The following PIGL variants were observed in gnomAD, a reference collection of about 807,000 sequenced individuals.
The protein encoded by PIGL is N-acetylglucosaminyl-phosphatidylinositol de-N-acetylase.
Under a neutral mutation model 31.1 loss-of-function variants are expected in PIGL, and 22 were observed. The ratio of observed to expected loss-of-function variants is 0.71; its 90% CI spans 0.51 to 1.01. The LOEUF is 1.01. PIGL is among the 50% of genes least tolerant of loss of function. The pLI, the probability that PIGL is intolerant of heterozygous loss-of-function variation, is 0.00. For synonymous variants in PIGL, 131 were observed against 117.4 expected, an observed-to-expected ratio of 1.12 and a Z score of -0.75; for missense variants, 302 against 315.9, an observed-to-expected ratio of 0.96 and a Z score of 0.33.
intron 1 of PIGL, chr17:16,217,895 C>T (rs556983715): frequency 6.5e-6 from 1 of 154,090 alleles, no homozygotes; most frequent in South Asian, 2.0e-4. Flanking sequence ...CTTCCTGCTG[C>T]CTTTAAAATG....
chr17:16,303,284 C>T (rs1271685339), intron 3 of PIGL, among the ~76,000 whole-genome samples: 1 of 152,178 alleles, frequency 6.6e-6, no homozygotes, highest in Admixed American at 6.5e-5. Context: ...GCAAACTAGA[C>T]TAAGGCCTGT....
intron 2 of PIGL, among the ~76,000 whole-genome samples, chr17:16,281,380 C>T (rs572194169): frequency 1.8e-4 from 28 of 152,326 alleles, no homozygotes; most frequent in Admixed American, 7.2e-4. Context: ...AGAATATCAA[C>T]GGCTTTTATG....
At chr17:16,280,001 C>T (rs1247298871) in intron 2 of PIGL, among the ~76,000 whole-genome samples, 1 of 152,164 alleles carries the variant, frequency 6.6e-6, no homozygotes, top group Non-Finnish European at 1.5e-5. Flanking sequence ...TCTTGACTAA[C>T]TGGGCTGGGT....
At chr17:16,314,207 T>A (rs1568843347) in intron 4 of PIGL, among the ~76,000 whole-genome samples, 1 of 152,210 alleles carries the variant, frequency 6.6e-6, no homozygotes, top group African/African-American at 2.4e-5. Flanking sequence ...CAAACATAGA[T>A]GTGTTTCCTG....
At chr17:16,294,406 TC>T (rs1242475450) in intron 2 of PIGL, among the ~76,000 whole-genome samples, 1 of 152,122 alleles carries the variant, frequency 6.6e-6, no homozygotes, top group East Asian at 1.9e-4. Context: ...ATGTCTCCCT[TC>T]CCTGAGCCTT....
chr17:16,233,199 C>A (rs1019922215), intron 1 of PIGL, among the ~76,000 whole-genome samples: 3 of 151,938 alleles, frequency 2.0e-5, no homozygotes, highest in African/African-American at 7.3e-5. Flanking sequence ...ATCAGACCTG[C>A]AATTATTTAT....
At chr17:16,302,981 G>A (rs541818472) in intron 3 of PIGL, among the ~76,000 whole-genome samples, 1 of 152,120 alleles carries the variant, frequency 6.6e-6, no homozygotes, top group African/African-American at 2.4e-5. Context: ...AACAACGTTG[G>A]TCTTTGCCGA....
intron 2 of PIGL, among the ~76,000 whole-genome samples, chr17:16,261,131 A>T (rs2092817624): frequency 6.6e-6 from 1 of 151,960 alleles, no homozygotes; most frequent in African/African-American, 2.4e-5. Flanking sequence ...AAAAAAAAAA[A>T]AAAAAGAGCT....
chr17:16,272,664 A>G (rs957765813), intron 2 of PIGL, among the ~76,000 whole-genome samples: 3 of 152,044 alleles, frequency 2.0e-5, no homozygotes, highest in African/African-American at 7.2e-5. Flanking sequence ...GTTACTTCCT[A>G]TTTGTGAAAT....
At chr17:16,303,624 C>T (rs981086275) in intron 3 of PIGL, among the ~76,000 whole-genome samples, 1 of 151,622 alleles carries the variant, frequency 6.6e-6, no homozygotes, top group African/African-American at 2.4e-5. Flanking sequence ...CTGCAACCTC[C>T]GCCTCCCGGG....
At chr17:16,271,334 A>C (rs1054868729) in intron 2 of PIGL, among the ~76,000 whole-genome samples, 1 of 152,150 alleles carries the variant, frequency 6.6e-6, no homozygotes, top group African/African-American at 2.4e-5. Context: ...CTCTTCATCA[A>C]ATAGGAGCCT....
chr17:16,290,453 G>A (rs1396636709), intron 2 of PIGL, among the ~76,000 whole-genome samples: 2 of 151,748 alleles, frequency 1.3e-5, no homozygotes, highest in Non-Finnish European at 2.9e-5. Context: ...AGGTGCAGTG[G>A]TGTGGTTATG....
intron 3 of PIGL, among the ~76,000 whole-genome samples, chr17:16,300,456 G>A (rs1024521988): frequency 3.3e-5 from 5 of 152,132 alleles, no homozygotes; most frequent in Non-Finnish European, 5.9e-5. Context: ...CGAGTTGGAC[G>A]GATCACCTGA....
intron 2 of PIGL, among the ~76,000 whole-genome samples, chr17:16,285,632 T>C (rs138059006): frequency 1.3e-5 from 2 of 152,172 alleles, no homozygotes; most frequent in East Asian, 3.9e-4. Flanking sequence ...TGGAAAAGGC[T>C]CTCTTAGGGC....
intron 1 of PIGL, among the ~76,000 whole-genome samples, chr17:16,231,067 CTTTTTT>C (rs59390439): frequency 1.0e-5 from 1 of 96,576 alleles, no homozygotes; most frequent in African/African-American, 4.3e-5. Context: ...TTTGGTTTTT[CTTTTTT>C]TTTTTTTTTT....
intron 2 of PIGL, among the ~76,000 whole-genome samples, chr17:16,299,133 G>C (rs754464366): frequency 6.6e-6 from 1 of 151,968 alleles, no homozygotes; most frequent in African/African-American, 2.4e-5. Context: ...GCTTGAACCC[G>C]GGAGGTGGAG....
chr17:16,311,163 G>A (rs1186010537), intron 3 of PIGL, among the ~76,000 whole-genome samples: 1 of 152,030 alleles, frequency 6.6e-6, no homozygotes, highest in Non-Finnish European at 1.5e-5. Flanking sequence ...TTTCCTTGGG[G>A]ACAGCTTGCC....
intron 4 of PIGL, 92 bp from the exon 5 acceptor site, chr17:16,316,589 G>C: frequency 2.4e-6 from 3 of 1,268,262 alleles, no homozygotes; most frequent in Non-Finnish European, 3.3e-6. Context: ...AGGGGACCAT[G>C]GGCATGGCAG....
intron 6 of PIGL, among the ~76,000 whole-genome samples, chr17:16,321,562 G>A (rs1466980126): frequency 6.6e-6 from 1 of 152,004 alleles, no homozygotes; most frequent in Admixed American, 6.6e-5. Flanking sequence ...ATTTTCTACA[G>A]TAAACCTTTG....
Sources: allele counts gnomAD v4.1 joint callset (sites outside exome capture counted in the v4.1 genomes callset), GRCh38; gene constraint gnomAD v4.1.1; transcripts MANE v1.5; gene names NCBI Gene and HGNC (gene_info 2026-07-23, HGNC 2026-07-21).